Variants in PODXL observed in about 807,000 individuals in gnomAD.
The protein encoded by PODXL is podocalyxin.
In PODXL, 20 loss-of-function variants were observed where a neutral mutation model predicts 48.9. The observed-to-expected ratio is 0.41, with a 90% CI of 0.29 to 0.59. The LOEUF (loss-of-function observed/expected upper bound fraction) is 0.59. Among genes scored for constraint, PODXL ranks in the 20% least tolerant of loss-of-function variants. The pLI is 0.31. For synonymous variants in PODXL, 295 were observed against 287.4 expected (o/e 1.03, Z -0.27); for missense variants, 606 against 675.1 (o/e 0.90, Z 1.13).
At chr7:131,543,210 A>G (rs989836285) in intron 1 of PODXL, among the ~76,000 whole-genome samples, 1 of 152,118 alleles carries the variant, frequency 6.6e-6, no homozygotes, top group Non-Finnish European at 1.5e-5. Context: ...ACAGCCTCTC[A>G]AACTTCTAGG....
intron 1 of PODXL, among the ~76,000 whole-genome samples, chr7:131,519,674 T>C (rs1368398339): frequency 6.6e-6 from 1 of 152,094 alleles, no homozygotes; most frequent in Non-Finnish European, 1.5e-5. Flanking sequence ...TAAAGCATAA[T>C]ACCTTATGGG....
intron 1 of PODXL, 21 bp downstream of exon 1, chr7:131,556,239 G>A (rs1285714033): frequency 6.8e-7 from 1 of 1,463,116 alleles, no homozygotes; most frequent in South Asian, 1.3e-5. Flanking sequence ...AGTCCCGGCG[G>A]AACCCAGGCC....
At chr7:131,513,522 C>T (rs976490941) in intron 1 of PODXL, among the ~76,000 whole-genome samples, 2 of 152,240 alleles carry the variant, frequency 1.3e-5, no homozygotes, top group African/African-American at 4.8e-5. Context: ...CAGAATCTGC[C>T]TCCTATGTTG....
chr7:131,553,022 G>C (rs61117756), intron 1 of PODXL, among the ~76,000 whole-genome samples: 10,985 of 152,130 alleles, frequency 0.072, 1,286 homozygotes, highest in African/African-American at 0.25. Context: ...CTAGGCTCAA[G>C]TGATCCTCCC....
chr7:131,526,904 A>G (rs1306724424), intron 1 of PODXL, among the ~76,000 whole-genome samples: 1 of 151,882 alleles, frequency 6.6e-6, no homozygotes, highest in Non-Finnish European at 1.5e-5. Context: ...ACGGCCGGCT[A>G]ATTTTTGTAT....
At chr7:131,546,791 C>T (rs551054557) in intron 1 of PODXL, among the ~76,000 whole-genome samples, 9 of 151,796 alleles carry the variant, frequency 5.9e-5, no homozygotes, top group African/African-American at 1.7e-4. Context: ...AAGGGCAGTG[C>T]CCCCTAGGGG....
intron 1 of PODXL, among the ~76,000 whole-genome samples, chr7:131,547,441 A>G (rs1179657427): frequency 6.6e-6 from 1 of 150,832 alleles, no homozygotes; most frequent in African/African-American, 2.4e-5. Context: ...GGCACCACCT[A>G]CATGATCCTA....
intron 1 of PODXL, among the ~76,000 whole-genome samples, chr7:131,545,730 G>T (rs1179658954): frequency 6.6e-6 from 1 of 152,168 alleles, no homozygotes; most frequent in African/African-American, 2.4e-5. Context: ...TTCCTTAGAG[G>T]ATATTTCAAA....
intron 1 of PODXL, among the ~76,000 whole-genome samples, chr7:131,524,379 C>CACACAGAG (rs746255906): frequency 9.6e-6 from 1 of 104,108 alleles, no homozygotes; most frequent in South Asian, 3.6e-4. Flanking sequence ...CACACACACA[C>CACACAGAG]AGAGAGAGAG....
chr7:131,523,228 T>G (rs1173352627), intron 1 of PODXL, among the ~76,000 whole-genome samples: 1 of 152,234 alleles, frequency 6.6e-6, no homozygotes, highest in African/African-American at 2.4e-5. Flanking sequence ...TAGTAGGCAC[T>G]AAATAGTATC....
At position 131,511,552 on chromosome 7, in the gene PODXL, A is replaced by C. The variant is rs1797915408; in HGVS notation, c.101-119T>G. 3 of 1,003,522 alleles carry C rather than the reference A, an allele frequency of 3.0e-6. 1 individual carries two copies. Among genetic ancestry groups the C allele is most frequent in the Non-Finnish European group, 4.4e-6 (3 of 682,830 alleles). 62.2% of individuals were successfully genotyped at this position (1,003,522 alleles called of 1,614,324 possible). ...GCAGCCCTGCTGTCTGCCTTGCTAAAGGCCTGGGTCTTTGGTGAATCCAGA... is the reference window on the plus strand; with the variant it reads ...GCAGCCCTGCTGTCTGCCTTGCTAACGGCCTGGGTCTTTGGTGAATCCAGA... On this transcript the variant is annotated intron_variant, in intron 1 of 8. Coordinates refer to ENST00000378555, the MANE Select transcript of PODXL (RefSeq NM_001018111.3).
chr7:131,503,780 T>C lies in PODXL; in HGVS notation c.*531A>G, dbSNP rs1365114158. The C allele has an allele frequency of 1.3e-5, 2 of 159,132 alleles. No homozygotes were observed. Among genetic ancestry groups the C allele is most frequent in the Non-Finnish European group, 2.8e-5 (2 of 72,726 alleles). The allele number at this position is 159,132 out of a possible 1,614,324, so 9.9% of individuals were successfully genotyped here. A position where few individuals can be genotyped will look rare whatever the true frequency, so the allele number is the denominator to read the frequency against. ...AGAAGGAAAACTTGGGAGCTGGACT[T>C]TCAGGTCGTCAGATCCCACCGAGCC... On this transcript the variant is annotated 3_prime_UTR_variant, in exon 9 of 9. Coordinates refer to ENST00000378555, the MANE Select transcript of PODXL (RefSeq NM_001018111.3).
intron 1 of PODXL, among the ~76,000 whole-genome samples, chr7:131,554,042 A>G (rs1584837816): frequency 6.6e-6 from 1 of 152,106 alleles, no homozygotes; most frequent in Admixed American, 6.6e-5. Context: ...CTGTCTGGGG[A>G]TAATTCCTTT....
At chr7:131,544,025 G>T (rs970174226) in intron 1 of PODXL, among the ~76,000 whole-genome samples, 55 of 152,304 alleles carry the variant, frequency 3.6e-4, no homozygotes, top group Middle Eastern at 3.4e-3. Flanking sequence ...AAACAGGAAG[G>T]CCCCTGAGAG....
chr7:131,538,160 C>T (rs1268301677), intron 1 of PODXL, among the ~76,000 whole-genome samples: 3 of 152,122 alleles, frequency 2.0e-5, no homozygotes, highest in Admixed American at 6.5e-5. Flanking sequence ...CCTGGCCCCT[C>T]CCCTGTGCTC....
Position 131,531,840 on chromosome 7 carries a change from G to A in PODXL, c.101-20407C>T, listed in dbSNP as rs1223546687. Among the ~76,000 whole-genome samples the A allele has an allele frequency of 5.9e-5, 9 of 152,162 alleles. No individual in the cohort carries two copies. The East Asian group carries it at 1.2e-3, about 20-fold the overall frequency. On this transcript the variant is annotated intron_variant, in intron 1 of 8. Transcript: ENST00000378555. ...ATAATCACACATTCCAGCCAGGCGCGGTGGCTCATGCCTGTAATCCCGCAC... is the reference window on the plus strand; with the variant it reads ...ATAATCACACATTCCAGCCAGGCGCAGTGGCTCATGCCTGTAATCCCGCAC...
chr7:131,550,393 A>G (rs1584834837), intron 1 of PODXL, among the ~76,000 whole-genome samples: 1 of 152,328 alleles, frequency 6.6e-6, no homozygotes, highest in East Asian at 1.9e-4. Context: ...ATGATGGCTC[A>G]TGCCTGTAAT....
At chr7:131,544,547 T>C (rs1798534216) in intron 1 of PODXL, among the ~76,000 whole-genome samples, 1 of 152,076 alleles carries the variant, frequency 6.6e-6, no homozygotes, top group Non-Finnish European at 1.5e-5. Context: ...GAGAAGCAAC[T>C]TTTTGGGCGG....
chr7:131,519,321 T>C (rs932651349), intron 1 of PODXL, among the ~76,000 whole-genome samples: 1 of 152,154 alleles, frequency 6.6e-6, no homozygotes, highest in Non-Finnish European at 1.5e-5. Context: ...TAGAGACCTT[T>C]AGGTATGGGT....
Sources: allele counts gnomAD v4.1 joint callset (sites outside exome capture counted in the v4.1 genomes callset), GRCh38; gene constraint gnomAD v4.1.1; transcripts MANE v1.5; gene names NCBI Gene and HGNC (gene_info 2026-07-23, HGNC 2026-07-21).